Variants in SPIRE1 observed in about 807,000 individuals in gnomAD.
SPIRE1 encodes protein spire homolog 1.
Under a neutral mutation model 94.1 loss-of-function variants are expected in SPIRE1, and 40 were observed. The ratio of observed to expected loss-of-function variants is 0.43; its 90% CI spans 0.33 to 0.55. The LOEUF (loss-of-function observed/expected upper bound fraction) is 0.55, where lower values mean the gene tolerates loss of function less well. SPIRE1 is among the 20% of genes least tolerant of loss of function. SPIRE1 has a pLI of 0.06. For missense variants in SPIRE1, 838 were observed against 975.2 expected (o/e 0.86, Z 1.87); for synonymous variants, 376 against 371.7 (o/e 1.01, Z -0.13).
intron 4 of SPIRE1, among the ~76,000 whole-genome samples, chr18:12,523,431 A>G (rs2034418360): frequency 6.6e-6 from 1 of 152,224 alleles, no homozygotes; most frequent in South Asian, 2.1e-4. Context: ...ATAAAGCAGC[A>G]GGAGGGTTTG....
chr18:12,534,124 C>A (rs943626116), intron 4 of SPIRE1, among the ~76,000 whole-genome samples: 4 of 152,164 alleles, frequency 2.6e-5, no homozygotes, highest in Non-Finnish European at 5.9e-5. Flanking sequence ...CTAGCTAGAG[C>A]AGAGGAAGGA....
At chr18:12,534,828 G>T (rs1247585529) in intron 4 of SPIRE1, among the ~76,000 whole-genome samples, 1 of 152,068 alleles carries the variant, frequency 6.6e-6, no homozygotes, top group Non-Finnish European at 1.5e-5. Context: ...CAAGTAGCTG[G>T]GATTACAGGC....
chr18:12,657,433 G>A (rs1045249776), intron 1 of SPIRE1, 97 bp downstream of exon 1: 6 of 1,013,884 alleles, frequency 5.9e-6, no homozygotes, highest in Non-Finnish European at 7.5e-6. Flanking sequence ...AAATGGGGGG[G>A]GACGGCGGGG....
intron 2 of SPIRE1, among the ~76,000 whole-genome samples, chr18:12,548,942 T>C (rs1343913543): frequency 6.6e-6 from 1 of 152,210 alleles, no homozygotes; most frequent in Non-Finnish European, 1.5e-5. Context: ...ATTTAAACAA[T>C]GGATCTTCTA....
chr18:12,642,276 C>G (rs1693927849), intron 1 of SPIRE1, among the ~76,000 whole-genome samples: 1 of 152,208 alleles, frequency 6.6e-6, no homozygotes, highest in Admixed American at 6.5e-5. Flanking sequence ...AAGCCAGGCT[C>G]TAGGACTTTC....
Position 12,449,418 on chromosome 18 carries a change from CCT to C in SPIRE1, c.*218_*219del, listed in dbSNP as rs2031109912. ...ACAAAAGTAAGTTTCAAACTGTTGTCCTCTCTCAGTGCAAACGAGCAATTGGC... is the reference window on the plus strand; with the variant it reads ...ACAAAAGTAAGTTTCAAACTGTTGTCCTCTCAGTGCAAACGAGCAATTGGC... On this transcript the variant is annotated 3_prime_UTR_variant, in exon 17 of 17. Transcript: ENST00000409402. 1 of 566,468 alleles carries C rather than the reference CCT, an allele frequency of 1.8e-6. No homozygotes were observed. The allele number at this position is 566,468 out of a possible 1,614,324, so 35.1% of individuals were successfully genotyped here. A position where few individuals can be genotyped will look rare whatever the true frequency, so the allele number is the denominator to read the frequency against.
intron 4 of SPIRE1, among the ~76,000 whole-genome samples, chr18:12,532,856 GAGA>G (rs2034724682): frequency 1.3e-5 from 2 of 152,234 alleles, no homozygotes; most frequent in Admixed American, 1.3e-4. Flanking sequence ...CTCAAGATGA[GAGA>G]AGTGATGACA....
rs548395070 is a variant in SPIRE1, at chr18:12,654,286, G to A, written c.337+3244C>T. 3.6e-3 allele frequency among the ~76,000 whole-genome samples: 498 copies of A among 140,144 alleles called. 3 individuals are homozygous for A. Among genetic ancestry groups the A allele is most frequent in the African/African-American group, 0.013 (474 of 37,022 alleles). The allele number at this position is 140,144 out of a possible 152,430, so 91.9% of individuals were successfully genotyped here. ...CTGGAGGCGGAGGTTGCAGTCAGCCGAGACTGCACCACTGCACTCCAGCCT... is the reference window on the plus strand; with the variant it reads ...CTGGAGGCGGAGGTTGCAGTCAGCCAAGACTGCACCACTGCACTCCAGCCT... On this transcript the variant is annotated intron_variant, in intron 1 of 16. Transcript: ENST00000409402.
intron 2 of SPIRE1, among the ~76,000 whole-genome samples, chr18:12,585,754 C>A (rs758549493): frequency 6.6e-5 from 10 of 152,010 alleles, no homozygotes; most frequent in Non-Finnish European, 1.2e-4. Flanking sequence ...CTAAGTAAAC[C>A]ATGCATGAAA....
chr18:12,468,658 C>T (rs997408693), intron 10 of SPIRE1, among the ~76,000 whole-genome samples: 1 of 152,154 alleles, frequency 6.6e-6, no homozygotes, highest in Admixed American at 6.5e-5. Flanking sequence ...GTCAGAAGAA[C>T]CTGGGTGCAT....
chr18:12,577,023 G>C (rs924548448), intron 2 of SPIRE1, among the ~76,000 whole-genome samples: 4 of 151,980 alleles, frequency 2.6e-5, no homozygotes, highest in Non-Finnish European at 4.4e-5. Context: ...TTTAATGAAA[G>C]TGCCAAGGTA....
intron 2 of SPIRE1, among the ~76,000 whole-genome samples, chr18:12,554,296 CAAAAAAAAAAAAA>C (rs35637714): frequency 1.8e-5 from 1 of 56,364 alleles, no homozygotes; most frequent in East Asian, 5.8e-4. Flanking sequence ...AGACTCTGTT[CAAAAAAAAAAAAA>C]AAAAAAAGAA....
At position 12,582,220 on chromosome 18, in the gene SPIRE1, C is replaced by G. The variant is rs75329009; in HGVS notation, c.373-35316G>C. Among the ~76,000 whole-genome samples the G allele has an allele frequency of 9.2e-3, 1,405 of 152,212 alleles. 30 individuals carry two copies. The highest frequency in any genetic ancestry group is 0.033 in the African/African-American group (1,357 of 41,568). On this transcript the variant is annotated intron_variant, in intron 2 of 16. Coordinates refer to ENST00000409402, the MANE Select transcript of SPIRE1 (RefSeq NM_001128626.2). ...AAGGTCTGTAGTTCAACCACACATT[C>G]TATGCTTCAATCCCCTTTGGTTATT...
At chr18:12,617,506 G>A (rs1263190813) in intron 2 of SPIRE1, among the ~76,000 whole-genome samples, 1 of 152,084 alleles carries the variant, frequency 6.6e-6, no homozygotes, top group African/African-American at 2.4e-5. Context: ...CTGCCCCCGG[G>A]TTCAAGTGAT....
At chr18:12,449,981 AT>A in intron 16 of SPIRE1, 85 bp from the exon 17 acceptor site, 4 of 1,376,160 alleles carry the variant, frequency 2.9e-6, no homozygotes, top group Non-Finnish European at 3.9e-6. Context: ...AAAAAAGTAA[AT>A]TTGTTGTCAA....
chr18:12,546,267 C>T lies in SPIRE1; in HGVS notation c.603+407G>A, dbSNP rs538105119. 1.4e-4 allele frequency among the ~76,000 whole-genome samples: 21 copies of T among 152,068 alleles called. No individual in the cohort carries two copies. In the East Asian group the frequency reaches 4.1e-3, roughly 30 times the overall value. On this transcript the variant is annotated intron_variant, in intron 3 of 16. Transcript: ENST00000409402. ...GCCTCCCAAAGTGCTGGGATTACAG[C>T]CGTGAGCCATCGCGCCCAGCCTCGT...
At position 12,447,648 on chromosome 18, in the gene SPIRE1, T is replaced by C. The variant is rs904627589; in HGVS notation, c.*1990A>G. 2.6e-5 allele frequency: 4 copies of C among 152,294 alleles called. No homozygotes were observed. The highest frequency in any genetic ancestry group is 1.3e-4 in the Admixed American group (2 of 15,284). The allele number at this position is 152,294 out of a possible 1,614,324, so 9.4% of individuals were successfully genotyped here. On this transcript the variant is annotated 3_prime_UTR_variant, in exon 17 of 17. Coordinates refer to ENST00000409402, the MANE Select transcript of SPIRE1 (RefSeq NM_001128626.2). ...TGTTCTGTGCTGTGGTAAGAGGTGATCGTAATGCCCAAATCATCCAATACA... is the reference window on the plus strand; with the variant it reads ...TGTTCTGTGCTGTGGTAAGAGGTGACCGTAATGCCCAAATCATCCAATACA...
chr18:12,493,059 G>C lies in SPIRE1; in HGVS notation c.1189+13C>G. On this transcript the variant is annotated intron_variant, in intron 8 of 16. Transcript: ENST00000409402. ...GATGACTCTAGACTGAGTACAGGAA[G>C]CAGTGGACTCACCTAATCTGCTACG... 1 of 1,604,710 alleles carries C rather than the reference G, an allele frequency of 6.2e-7. No homozygotes were observed. Among genetic ancestry groups the C allele is most frequent in the South Asian group, 1.1e-5 (1 of 88,956 alleles).
rs745325731 is a variant in SPIRE1 at position 12,479,850 on chromosome 18, G to A, written c.1253C>T (p.Thr418Ile). The change falls in exon 10 of 17, where the codon ACA becomes ATA. Residue 418 changes from threonine to isoleucine, a missense_variant. This residue lies in a region of SPIRE1 where 645 missense variants were observed against 804.7 expected (regional missense o/e 0.80). Transcript: ENST00000409402. ...DLSDVTTPES[T>I]KNLVESSMVN... ...CATAGATGACTCCACAAGATTCTTT[G>A]TAGATTCAGGGGTAGTCACATCTGG... 2 of 1,613,768 alleles carry A rather than the reference G, an allele frequency of 1.2e-6. No individual in the cohort carries two copies. The highest frequency in any genetic ancestry group is 4.5e-5 in the East Asian group (2 of 44,882).
Sources: gnomAD v4.1 joint callset for allele counts (sites outside exome capture counted in the v4.1 genomes callset) on GRCh38, gnomAD v4.1.1 for gene constraint, gnomAD v4.1.1 regional missense constraint, MANE v1.5 for transcripts, NCBI Gene and HGNC (gene_info 2026-07-23, HGNC 2026-07-21) for gene names.